The following ASIC2 variants were observed in gnomAD, a reference collection of about 807,000 sequenced individuals.
ASIC2 encodes acid-sensing ion channel 2.
A neutral mutation model predicts 57.3 loss-of-function variants in ASIC2; 25 were observed. The ratio of observed to expected loss-of-function variants is 0.44; its 90% CI spans 0.32 to 0.61. The LOEUF (loss-of-function observed/expected upper bound fraction) is 0.61, where lower values mean the gene tolerates loss of function less well. Among genes scored for constraint, ASIC2 ranks in the 20% least tolerant of loss-of-function variants. The pLI is 0.06. For missense variants in ASIC2, 641 were observed against 738.1 expected (o/e 0.87, Z 1.52); for synonymous variants, 319 against 307.5 (o/e 1.04, Z -0.39).
chr17:33,182,248 A>T (rs960487151), intron 1 of ASIC2, among the ~76,000 whole-genome samples: 1 of 152,154 alleles, frequency 6.6e-6, no homozygotes, highest in African/African-American at 2.4e-5. Flanking sequence ...CAAGTTGGAT[A>T]TGGACTTTGT....
intron 1 of ASIC2, among the ~76,000 whole-genome samples, chr17:33,912,140 A>C (rs1471539849): frequency 4.0e-5 from 3 of 75,572 alleles, no homozygotes; most frequent in African/African-American, 1.4e-4. Flanking sequence ...ACTCCGTCAA[A>C]AAAAAAAAAA....
rs137874487 is a variant in ASIC2, at chr17:34,150,304, C to G, written c.555+5674G>C. 2.0e-4 allele frequency among the ~76,000 whole-genome samples: 31 copies of G among 152,092 alleles called. No individual in the cohort carries two copies. In the East Asian group the frequency reaches 6.0e-3, roughly 29 times the overall value. ...ATTTCAGTTCAACAGGAGAGACAAGCCCAGGAAATCTATTGTACATCATAA... is the reference window on the plus strand; with the variant it reads ...ATTTCAGTTCAACAGGAGAGACAAGGCCAGGAAATCTATTGTACATCATAA... On this transcript the variant is annotated intron_variant, in intron 1 of 9. Transcript: ENST00000359872.
chr17:33,593,197 T>C lies in ASIC2; in HGVS notation c.556-481130A>G, dbSNP rs145998604. Among the ~76,000 whole-genome samples the C allele has an allele frequency of 5.4e-4, 83 of 152,352 alleles. 1 individual carries two copies. The East Asian group carries it at 0.014, about 27-fold the overall frequency. ...ATAATATCAAAACATCCACTGCAGA[T>C]GCAGCAATTGTATGTGCAGGCACAG... is the stretch of plus-strand genomic sequence containing the variant. On this transcript the variant is annotated intron_variant, in intron 1 of 9. Coordinates refer to the ASIC2 transcript ENST00000359872.
intron 1 of ASIC2, among the ~76,000 whole-genome samples, chr17:33,594,515 T>C (rs562199756): frequency 6.0e-4 from 92 of 152,228 alleles, no homozygotes; most frequent in Non-Finnish European, 4.3e-4. Context: ...CCTCCAACAA[T>C]TTTGGAAGGT....
intron 1 of ASIC2, among the ~76,000 whole-genome samples, chr17:33,445,292 G>T (rs557413836): frequency 6.6e-6 from 1 of 152,096 alleles, no homozygotes; most frequent in Non-Finnish European, 1.5e-5. Context: ...TTAACTGGGC[G>T]TGGTGGCACA....
chr17:34,148,331 AT>A (rs1327724231), intron 1 of ASIC2, among the ~76,000 whole-genome samples: 3 of 152,176 alleles, frequency 2.0e-5, no homozygotes, highest in Non-Finnish European at 4.4e-5. Context: ...AGAATTTTAT[AT>A]ACCCCTGAAA....
At chr17:34,091,826 A>T (rs1443570791) in intron 1 of ASIC2, among the ~76,000 whole-genome samples, 1 of 152,254 alleles carries the variant, frequency 6.6e-6, no homozygotes, top group East Asian at 1.9e-4. Flanking sequence ...CTTTGGAATC[A>T]GATTCATATA....
chr17:33,814,584 G>C (rs556701908), intron 1 of ASIC2, among the ~76,000 whole-genome samples: 4 of 152,258 alleles, frequency 2.6e-5, no homozygotes, highest in African/African-American at 9.6e-5. Flanking sequence ...GCAGCACTGT[G>C]CTTCTACATT....
intron 1 of ASIC2, chr17:34,155,919 C>T (rs923225802): frequency 3.3e-6 from 5 of 1,532,132 alleles, no homozygotes; most frequent in Non-Finnish European, 2.6e-6. Context: ...AGCAGGAGAC[C>T]ACCGGCGCAC....
intron 1 of ASIC2, among the ~76,000 whole-genome samples, chr17:33,880,295 C>CA (rs1236731711): frequency 1.3e-5 from 2 of 151,946 alleles, no homozygotes; most frequent in Non-Finnish European, 2.9e-5. Flanking sequence ...AAAAACCCTT[C>CA]AAAAAATCAA....
At chr17:34,004,044 A>T (rs1906438353) in intron 1 of ASIC2, 1 of 152,076 alleles carries the variant, frequency 6.6e-6, no homozygotes, top group Non-Finnish European at 1.5e-5. Flanking sequence ...TTCCTGAAAG[A>T]CCTCCTTCAT....
chr17:34,018,140 A>T (rs1396420704), intron 1 of ASIC2, among the ~76,000 whole-genome samples: 1 of 152,170 alleles, frequency 6.6e-6, no homozygotes, highest in Non-Finnish European at 1.5e-5. Context: ...GCAGTCAGAG[A>T]CTTTAAGTTG....
chr17:33,286,850 T>G (rs773931150), intron 1 of ASIC2, among the ~76,000 whole-genome samples: 3 of 152,174 alleles, frequency 2.0e-5, no homozygotes, highest in Non-Finnish European at 4.4e-5. Flanking sequence ...TATTTAATTT[T>G]ATACCCCCCA....
chr17:34,063,199 G>A (rs1193121127), intron 1 of ASIC2, among the ~76,000 whole-genome samples: 2 of 152,184 alleles, frequency 1.3e-5, no homozygotes, highest in African/African-American at 2.4e-5. Context: ...TACCAGGAAT[G>A]CAGGGATTTT....
intron 3 of ASIC2, among the ~76,000 whole-genome samples, chr17:33,070,629 C>T (rs1469720659): frequency 1.3e-5 from 2 of 152,168 alleles, no homozygotes; most frequent in Admixed American, 6.5e-5. Context: ...AGCCACCACG[C>T]CCAGCCTTTT....
At chr17:33,234,829 C>G (rs1248974729) in intron 1 of ASIC2, among the ~76,000 whole-genome samples, 1 of 152,252 alleles carries the variant, frequency 6.6e-6, no homozygotes, top group Non-Finnish European at 1.5e-5. Context: ...AATCTTCCAC[C>G]TCCCAATGCC....
chr17:33,674,172 C>T (rs867959188), intron 1 of ASIC2, among the ~76,000 whole-genome samples: 10 of 152,168 alleles, frequency 6.6e-5, no homozygotes, highest in Non-Finnish European at 1.2e-4. Flanking sequence ...GGATTACAGG[C>T]GTGAGCCACC....
At chr17:33,698,559 G>A (rs1908600262) in intron 1 of ASIC2, among the ~76,000 whole-genome samples, 1 of 152,180 alleles carries the variant, frequency 6.6e-6, no homozygotes, top group Non-Finnish European at 1.5e-5. Flanking sequence ...ATCAGTAAAA[G>A]CAAAGGAGAG....
chr17:33,980,942 A>ACCCCATCCCTTCCTCAAGTGTAATTTTTT (rs112983675), intron 1 of ASIC2: 2 of 130,566 alleles, frequency 1.5e-5, no homozygotes, highest in African/African-American at 5.8e-5. Context: ...CTCAAGTGTA[A>ACCCCATCCCTTCCTCAAGTGTAATTTTTT]TTTTTTTTTT....
Sources: allele counts gnomAD v4.1 joint callset (sites outside exome capture counted in the v4.1 genomes callset), GRCh38; gene constraint gnomAD v4.1.1; transcripts MANE v1.5; gene names NCBI Gene and HGNC (gene_info 2026-07-23, HGNC 2026-07-21).